Variants in TBC1D8 observed in about 807,000 individuals in gnomAD.
The protein encoded by TBC1D8 is TBC1 domain family member 8.
In TBC1D8, 65 loss-of-function variants were observed where a neutral mutation model predicts 118.8. The observed-to-expected ratio is 0.55, with a 90% CI of 0.45 to 0.67. The LOEUF (loss-of-function observed/expected upper bound fraction) is 0.67, where lower values mean the gene tolerates loss of function less well. Ranked by LOEUF, TBC1D8 falls within the 30% of genes least tolerant of loss-of-function variation. The probability of loss-of-function intolerance (pLI) is 0.00; values close to 1 mark genes in which losing one functional copy is unlikely to be tolerated. For synonymous variants in TBC1D8, 566 were observed against 595.8 expected (o/e 0.95, Z 0.73); for missense variants, 1,376 against 1,471.2 (o/e 0.94, Z 1.06).
intron 18 of TBC1D8, 58 bp downstream of exon 18, chr2:101,011,393 T>C (rs1679198965): frequency 1.3e-6 from 2 of 1,563,280 alleles, no homozygotes; most frequent in African/African-American, 2.7e-5. Flanking sequence ...GCAACCCCGG[T>C]GCCTCCCGCC....
chr2:101,119,413 G>A (rs907635212), intron 1 of TBC1D8, among the ~76,000 whole-genome samples: 1 of 152,130 alleles, frequency 6.6e-6, no homozygotes, highest in African/African-American at 2.4e-5. Flanking sequence ...TCCACCCTAA[G>A]TGTCCCATCT....
intron 1 of TBC1D8, among the ~76,000 whole-genome samples, chr2:101,094,269 G>GGACT (rs1676249460): frequency 1.3e-5 from 2 of 152,234 alleles, no homozygotes; most frequent in African/African-American, 4.8e-5. Flanking sequence ...CTGGATAAAG[G>GGACT]GGCTGCCACT....
chr2:101,112,562 T>A (rs1301013299), intron 1 of TBC1D8, among the ~76,000 whole-genome samples: 1 of 152,192 alleles, frequency 6.6e-6, no homozygotes, highest in Non-Finnish European at 1.5e-5. Flanking sequence ...TGGAACAGCC[T>A]GGTCCACCTC....
intron 1 of TBC1D8, among the ~76,000 whole-genome samples, chr2:101,148,992 C>T (rs957585323): frequency 6.6e-6 from 1 of 152,152 alleles, no homozygotes; most frequent in Non-Finnish European, 1.5e-5. Flanking sequence ...CCACAGCACA[C>T]GTGGCAGGTC....
At chr2:101,094,951 G>C (rs1217872947) in intron 1 of TBC1D8, among the ~76,000 whole-genome samples, 1 of 152,170 alleles carries the variant, frequency 6.6e-6, no homozygotes, top group Non-Finnish European at 1.5e-5. Flanking sequence ...AGCTTCCCTG[G>C]AGCAGTTTAT....
chr2:101,027,834 C>T (rs557427224), intron 14 of TBC1D8, among the ~76,000 whole-genome samples: 1 of 152,358 alleles, frequency 6.6e-6, no homozygotes, highest in East Asian at 1.9e-4. Context: ...CCCCATTTTA[C>T]ACGGGGGAAA....
chr2:101,125,858 T>C (rs1678328577), intron 1 of TBC1D8, among the ~76,000 whole-genome samples: 1 of 152,216 alleles, frequency 6.6e-6, no homozygotes, highest in African/African-American at 2.4e-5. Flanking sequence ...TTTGAGTTCT[T>C]AGCTCTTCCT....
At chr2:101,122,459 T>C (rs1333255232) in intron 1 of TBC1D8, among the ~76,000 whole-genome samples, 1 of 150,376 alleles carries the variant, frequency 6.6e-6, no homozygotes, top group Non-Finnish European at 1.5e-5. Context: ...ACTGTGGGAT[T>C]ATGAGTTTTT....
chr2:101,032,676 T>C, intron 10 of TBC1D8: 1 of 332,148 alleles, frequency 3.0e-6, no homozygotes, highest in Non-Finnish European at 5.6e-6. Context: ...AGCTATTCGC[T>C]GTTTGTTCAA....
chr2:101,129,186 T>C (rs1190349981), intron 1 of TBC1D8, among the ~76,000 whole-genome samples: 1 of 152,158 alleles, frequency 6.6e-6, no homozygotes, highest in Non-Finnish European at 1.5e-5. Flanking sequence ...GTCGCCCAGG[T>C]TGGAGTACAG....
chr2:101,132,911 T>A (rs1678656388), intron 1 of TBC1D8, among the ~76,000 whole-genome samples: 1 of 151,996 alleles, frequency 6.6e-6, no homozygotes, highest in Non-Finnish European at 1.5e-5. Context: ...TACTTTGCAA[T>A]AAAAATATTC....
intron 1 of TBC1D8, among the ~76,000 whole-genome samples, chr2:101,106,345 C>T (rs997738017): frequency 1.3e-5 from 2 of 152,124 alleles, no homozygotes; most frequent in Non-Finnish European, 2.9e-5. Context: ...AAGAGTAAAC[C>T]TTAATGTTTG....
chr2:101,036,018 C>T lies in TBC1D8; in HGVS notation c.1603G>A (p.Asp535Asn). The change falls in exon 9 of 20, where the codon GAT (aspartate) becomes AAT (asparagine). Residue 535 changes from aspartate to asparagine, a missense_variant and splice_region_variant. Coordinates refer to ENST00000409318, the MANE Select transcript of TBC1D8 (RefSeq NM_001330348.2). ...GCTTCGAGACACCAAGAGCGCTTAC[C>T]TGAGAAGAGAAGCCAGAGTCTCCCT... ...LRGRLWLLFSDAVTDLASHPG... is the reference protein window; with the variant it reads ...LRGRLWLLFSNAVTDLASHPG... 1 of 1,613,970 alleles carries T rather than the reference C, an allele frequency of 6.2e-7. No individual in the cohort carries two copies. The highest frequency in any genetic ancestry group is 1.1e-5 in the South Asian group (1 of 91,078).
At chr2:101,034,928 C>T (rs1214521973) in intron 9 of TBC1D8, among the ~76,000 whole-genome samples, 3 of 152,120 alleles carry the variant, frequency 2.0e-5, no homozygotes, top group African/African-American at 7.2e-5. Flanking sequence ...GTGCAGGCAG[C>T]ATCAGTGACC....
At chr2:101,102,589 C>T (rs1676922998) in intron 1 of TBC1D8, among the ~76,000 whole-genome samples, 1 of 144,908 alleles carries the variant, frequency 6.9e-6, no homozygotes. Context: ...CCAGAAGAAA[C>T]TCATTTAAGA....
At chr2:101,115,166 C>T (rs1284966890) in intron 1 of TBC1D8, among the ~76,000 whole-genome samples, 2 of 152,198 alleles carry the variant, frequency 1.3e-5, no homozygotes, top group African/African-American at 4.8e-5. Context: ...TTATGACAGA[C>T]AGCGGTCACC....
intron 1 of TBC1D8, among the ~76,000 whole-genome samples, chr2:101,146,929 TTACACATA>T (rs888708102): frequency 6.4e-4 from 97 of 152,342 alleles, no homozygotes; most frequent in African/African-American, 2.3e-3. Context: ...CTTTTTAAGA[TTACACATA>T]TAAGTGGGAT....
chr2:101,122,044 C>A lies in TBC1D8; in HGVS notation c.127+29083G>T, dbSNP rs945251512. ...TCACGCCACTGCACTCCAGCCTGGG[C>A]ATCGCAGTGAGACTCCATTTCTTTT... is the stretch of plus-strand genomic sequence containing the variant. On this transcript the variant is annotated intron_variant, in intron 1 of 19. Coordinates refer to ENST00000409318, the MANE Select transcript of TBC1D8 (RefSeq NM_001330348.2). Among the ~76,000 whole-genome samples, 6 of 150,426 alleles carry A rather than the reference C, an allele frequency of 4.0e-5. No homozygotes were observed. The East Asian group carries it at 1.2e-3, about 30-fold the overall frequency.
chr2:101,096,796 G>GAGA (rs1553418149), intron 1 of TBC1D8, among the ~76,000 whole-genome samples: 3 of 146,502 alleles, frequency 2.0e-5, no homozygotes, highest in Non-Finnish European at 3.0e-5. Flanking sequence ...AGAGAGAGGG[G>GAGA]GAGAGAGAGA....
Sources: gnomAD v4.1 joint callset for allele counts (sites outside exome capture counted in the v4.1 genomes callset) on GRCh38, gnomAD v4.1.1 for gene constraint, MANE v1.5 for transcripts, NCBI Gene and HGNC (gene_info 2026-07-23, HGNC 2026-07-21) for gene names.